ZNF23: variants seen among roughly 807,000 people sequenced by gnomAD.
ZNF23 encodes zinc finger protein 23, also known as kruppel-like zinc finger factor X31.
A neutral mutation model predicts 56.2 loss-of-function variants in ZNF23; 48 were observed. The ratio of observed to expected loss-of-function variants is 0.85; its 90% CI spans 0.68 to 1.09. The LOEUF (loss-of-function observed/expected upper bound fraction) is 1.09. Ranked by LOEUF, ZNF23 falls within the 50% of genes least tolerant of loss-of-function variation. The pLI is 0.00. For missense variants in ZNF23, 805 were observed against 811.4 expected (o/e 0.99, Z 0.10); for synonymous variants, 266 against 283.3 (o/e 0.94, Z 0.61).
rs765774283 is a variant in ZNF23 at position 71,448,518 on chromosome 16, G to A, written c.1636C>T (p.Pro546Ser). 1 of 1,613,994 alleles carries A rather than the reference G, an allele frequency of 6.2e-7. No individual in the cohort carries two copies. The highest frequency in any genetic ancestry group is 8.5e-7 in the Non-Finnish European group (1 of 1,180,028). Residue 546 changes from proline to serine, a missense_variant, in exon 5 of 5, where the codon CCC becomes TCC. Coordinates refer to ENST00000647773, the MANE Select transcript of ZNF23 (RefSeq NM_001381984.1). ...TTCCCACATTCCTTACATTGATAGG[G>A]CTTTTCTCCAGTATGGATTCGGTGA... is the stretch of plus-strand genomic sequence containing the variant. ...DHHRIHTGEK[P>S]YQCKECGKAF...
Position 71,456,816 on chromosome 16 carries a change from AG to A in ZNF23, c.-21del, listed in dbSNP as rs2043250139. On this transcript the variant is annotated 5_prime_UTR_variant, in exon 2 of 5. Coordinates refer to ENST00000647773, the MANE Select transcript of ZNF23 (RefSeq NM_001381984.1). ...TGCCATCCCCTGGTCCCCGTCTCAG[AG>A]AAGGGCTGGAGCTAAGGAGAAACAC... 1.0e-6 allele frequency: 1 copy of A among 985,588 alleles called. No individual in the cohort carries two copies. Among genetic ancestry groups the A allele is most frequent in the South Asian group, 4.7e-5 (1 of 21,278 alleles). 61.1% of individuals were successfully genotyped at this position (985,588 alleles called of 1,614,324 possible). A position where few individuals can be genotyped will look rare whatever the true frequency, so the allele number is the denominator to read the frequency against.
Position 71,448,195 on chromosome 16 carries a change from G to T in ZNF23, c.1959C>A (p.His653Gln), listed in dbSNP as rs1318160165. ...TACACATATAGGGTTTCTTCCAAGT[G>T]TGGACTGTCTGATGTATAATGTAGT... ...SSDYIIHQTVHTWKKPYMCSV... is the reference protein window; with the variant it reads ...SSDYIIHQTVQTWKKPYMCSV... The change falls in exon 5 of 5, where the codon CAC (histidine) becomes CAA (glutamine). Residue 653 changes from histidine (H) to glutamine (Q), a missense_variant. Transcript: ENST00000647773. 6.2e-7 allele frequency: 1 copy of T among 1,614,098 alleles called. No homozygotes were observed. Among genetic ancestry groups the T allele is most frequent in the East Asian group, 2.2e-5 (1 of 44,904 alleles).
chr16:71,454,319 T>A (rs1462636522), intron 2 of ZNF23, 151 bp from the exon 3 acceptor site: 1 of 1,079,064 alleles, frequency 9.3e-7, no homozygotes, highest in Non-Finnish European at 1.3e-6. Context: ...AAAAAAAATA[T>A]CGAGAAAGTA....
intron 2 of ZNF23, among the ~76,000 whole-genome samples, chr16:71,454,785 C>T (rs1271323652): frequency 6.6e-6 from 1 of 152,222 alleles, no homozygotes; most frequent in African/African-American, 2.4e-5. Flanking sequence ...TCATCCTTTC[C>T]AACTTCTCCG....
Position 71,448,452 on chromosome 16 carries a change from T to A in ZNF23, c.1702A>T (p.Ile568Leu). 6.2e-7 allele frequency: 1 copy of A among 1,614,220 alleles called. No homozygotes were observed. Among genetic ancestry groups the A allele is most frequent in the Non-Finnish European group, 8.5e-7 (1 of 1,180,032 alleles). Residue 568 changes from isoleucine (I) to leucine (L), a missense_variant, in exon 5 of 5, where the codon ATA (isoleucine) becomes TTA (leucine). Transcript: ENST00000647773. The part of the protein sequence containing the change: ...INAKLTRHQR[I>L]HTGEKPFKCM... ...TTGAAAGGTTTCTCCCCAGTATGTATCCTCTGATGCCTAGTTAGTTTGGCA... is the reference window on the plus strand; with the variant it reads ...TTGAAAGGTTTCTCCCCAGTATGTAACCTCTGATGCCTAGTTAGTTTGGCA...
intron 1 of ZNF23, among the ~76,000 whole-genome samples, chr16:71,459,820 A>G (rs1429390479): frequency 6.6e-6 from 1 of 152,188 alleles, no homozygotes; most frequent in Non-Finnish European, 1.5e-5. Context: ...TCTACTTTAC[A>G]CATTTTTCAG....
intron 3 of ZNF23, chr16:71,453,794 T>G: frequency 1.7e-6 from 1 of 577,828 alleles, no homozygotes; most frequent in South Asian, 2.2e-5. Flanking sequence ...TGGATTCCAG[T>G]GTTTCCAAAA....
Position 71,454,100 on chromosome 16 carries a change from T to C in ZNF23, c.102A>G (p.Ala34=). ...TQAEWDGLSP[A]QRTLYRDVML... ...TCACATCCCTGTACAGGGTCCTCTG[T>C]GCAGGGGACAGGCCATCCCATTCCG... The change falls in exon 3 of 5, where the codon GCA becomes GCG. Residue 34 remains alanine (A), a synonymous_variant. Coordinates refer to ENST00000647773, the MANE Select transcript of ZNF23 (RefSeq NM_001381984.1). The C allele has an allele frequency of 6.2e-7, 1 of 1,614,106 alleles. No individual in the cohort carries two copies. The highest frequency in any genetic ancestry group is 8.5e-7 in the Non-Finnish European group (1 of 1,180,008).
chr16:71,460,312 G>C (rs1051034338), intron 1 of ZNF23, among the ~76,000 whole-genome samples: 5 of 139,692 alleles, frequency 3.6e-5, no homozygotes, highest in Admixed American at 1.4e-4. Flanking sequence ...CCCTCCCAAG[G>C]GGATAGTTTT....
intron 4 of ZNF23, chr16:71,450,816 G>T: frequency 3.3e-6 from 1 of 306,818 alleles, no homozygotes; most frequent in Non-Finnish European, 6.6e-6. Context: ...ACACCCTGCA[G>T]TTTCTTCTTA....
intron 4 of ZNF23, chr16:71,451,152 C>T (rs985483042): frequency 6.6e-6 from 1 of 152,296 alleles, no homozygotes; most frequent in African/African-American, 2.4e-5. Context: ...CTTGATCATT[C>T]CCTAAAAATC....
chr16:71,451,533 T>A (rs889584065), intron 4 of ZNF23: 1 of 152,280 alleles, frequency 6.6e-6, no homozygotes, highest in Non-Finnish European at 1.5e-5. Flanking sequence ...ATGGGATTAA[T>A]GCCCTTAAAA....
At chr16:71,461,301 A>G (rs768423971) in intron 1 of ZNF23, among the ~76,000 whole-genome samples, 2 of 151,976 alleles carry the variant, frequency 1.3e-5, no homozygotes, top group Non-Finnish European at 2.9e-5. Flanking sequence ...TATATTTTAA[A>G]TAAATATATA....
intron 2 of ZNF23, among the ~76,000 whole-genome samples, chr16:71,455,077 A>G (rs1401855607): frequency 6.6e-6 from 1 of 152,158 alleles, no homozygotes; most frequent in Non-Finnish European, 1.5e-5. Context: ...TCTTCCTGGA[A>G]TTTACTGACC....
chr16:71,455,054 C>G (rs1231745459), intron 2 of ZNF23, among the ~76,000 whole-genome samples: 1 of 152,214 alleles, frequency 6.6e-6, no homozygotes, highest in Non-Finnish European at 1.5e-5. Context: ...CAACTCCTCT[C>G]TGCTAGGATG....
At chr16:71,455,543 G>C (rs890550571) in intron 2 of ZNF23, among the ~76,000 whole-genome samples, 6 of 152,050 alleles carry the variant, frequency 3.9e-5, no homozygotes, top group Non-Finnish European at 7.4e-5. Context: ...TTTTAGCAGA[G>C]ACAGGGTTTC....
At chr16:71,449,968 A>C in intron 4 of ZNF23, 83 bp from the exon 5 acceptor site, 1 of 1,136,544 alleles carries the variant, frequency 8.8e-7, no homozygotes, top group East Asian at 2.6e-5. Flanking sequence ...AGACCATAAT[A>C]ATCAGGGGGC....
At chr16:71,455,685 A>G (rs1292219023) in intron 2 of ZNF23, among the ~76,000 whole-genome samples, 1 of 152,072 alleles carries the variant, frequency 6.6e-6, no homozygotes, top group Non-Finnish European at 1.5e-5. Flanking sequence ...GCATTACTTG[A>G]ATTGGATCCC....
At chr16:71,451,524 T>C (rs1026833518) in intron 4 of ZNF23, 4 of 152,248 alleles carry the variant, frequency 2.6e-5, no homozygotes, top group African/African-American at 9.6e-5. Flanking sequence ...CCCTCATGAA[T>C]GGGATTAATG....
Sources: gnomAD v4.1 joint callset for allele counts (sites outside exome capture counted in the v4.1 genomes callset) on GRCh38, gnomAD v4.1.1 for gene constraint, MANE v1.5 for transcripts, NCBI Gene and HGNC (gene_info 2026-07-23, HGNC 2026-07-21) for gene names.